The following KLKB1 variants were observed in gnomAD, a reference collection of about 807,000 sequenced individuals.
KLKB1 encodes the protein plasma kallikrein.
In KLKB1, 58 loss-of-function variants were observed where a neutral mutation model predicts 73.6. The ratio of observed to expected loss-of-function variants is 0.79; its 90% CI spans 0.64 to 0.98. The LOEUF (loss-of-function observed/expected upper bound fraction) is 0.98, where lower values mean the gene tolerates loss of function less well. Among genes scored for constraint, KLKB1 ranks in the 50% least tolerant of loss-of-function variants. KLKB1 has a pLI of 0.00. For synonymous variants in KLKB1, 280 were observed against 258.1 expected, an observed-to-expected ratio of 1.08 and a Z score of -0.81; for missense variants, 737 against 763.8, an observed-to-expected ratio of 0.96 and a Z score of 0.41.
chr4:186,228,014 T>G (rs1442869111), intron 1 of KLKB1, among the ~76,000 whole-genome samples, 181 bp from the exon 2 acceptor site: 1 of 152,148 alleles, frequency 6.6e-6, no homozygotes, highest in East Asian at 1.9e-4. Context: ...GGAAGCATTA[T>G]AAATTTTCCA....
chr4:186,214,705 G>T (rs1001533584), intron 2 of KLKB1, among the ~76,000 whole-genome samples: 1 of 152,144 alleles, frequency 6.6e-6, no homozygotes, highest in Non-Finnish European at 1.5e-5. Flanking sequence ...ATTAAACCAG[G>T]TTCATTTTCC....
intron 2 of KLKB1, 121 bp from the exon 3 acceptor site, chr4:186,232,006 A>T: frequency 3.0e-6 from 2 of 669,914 alleles, no homozygotes; most frequent in Non-Finnish European, 4.9e-6. Flanking sequence ...CAGCATAATT[A>T]GAGTTGTATT....
At chr4:186,225,016 C>T (rs1240164881), upstream of KLKB1, among the ~76,000 whole-genome samples, 7 of 152,162 alleles carry the variant, frequency 4.6e-5, no homozygotes, top group African/African-American at 1.2e-4. Flanking sequence ...CTCTCTCTCT[C>T]GTATCACCTT....
At chr4:186,228,670 C>A (rs893459308) in intron 2 of KLKB1, among the ~76,000 whole-genome samples, 8 of 152,170 alleles carry the variant, frequency 5.3e-5, no homozygotes, top group African/African-American at 1.7e-4. Context: ...GTTAGGAACA[C>A]CATACATAGT....
intron 13 of KLKB1, 110 bp downstream of exon 13, chr4:186,256,197 T>C (rs1267062469): frequency 1.4e-6 from 1 of 731,358 alleles, no homozygotes; most frequent in South Asian, 1.5e-5. Flanking sequence ...AAACTCTTTA[T>C]CTTTCCTATC....
At chr4:186,229,693 C>G (rs1439292729) in intron 2 of KLKB1, among the ~76,000 whole-genome samples, 2 of 152,030 alleles carry the variant, frequency 1.3e-5, no homozygotes, top group African/African-American at 4.8e-5. Flanking sequence ...GCTCATTTAC[C>G]CCACTTAGGC....
chr4:186,251,871 C>G lies in KLKB1; in HGVS notation c.1144+10C>G. 1 of 1,607,682 alleles carries G rather than the reference C, an allele frequency of 6.2e-7. No homozygotes were observed. The highest frequency in any genetic ancestry group is 1.1e-5 in the South Asian group (1 of 90,952). ...ACTGGGGACAACTCTGGTGAGTAAC[C>G]TCACTTTTTCGTGGACCTGTCAGGG... On this transcript the variant is annotated intron_variant, in intron 10 of 14. Coordinates refer to ENST00000264690, the MANE Select transcript of KLKB1 (RefSeq NM_000892.5).
At chr4:186,230,113 T>G (rs1422982700) in intron 2 of KLKB1, among the ~76,000 whole-genome samples, 1 of 152,222 alleles carries the variant, frequency 6.6e-6, no homozygotes, top group Admixed American at 6.5e-5. Context: ...GCAGTTACTT[T>G]TTAAGCCAGA....
upstream of KLKB1, among the ~76,000 whole-genome samples, chr4:186,224,032 C>T (rs115593075): frequency 7.7e-3 from 1,179 of 152,390 alleles, 17 homozygotes; most frequent in African/African-American, 0.027. Flanking sequence ...GTCCATAGCT[C>T]AGGCTGTCGC....
intron 2 of KLKB1, among the ~76,000 whole-genome samples, chr4:186,215,800 C>T (rs535281685): frequency 1.3e-5 from 2 of 152,160 alleles, no homozygotes; most frequent in African/African-American, 2.4e-5. Flanking sequence ...TAAATTAAGA[C>T]ATTTAAATCA....
At chr4:186,240,510 T>A (rs1023177487) in intron 6 of KLKB1, among the ~76,000 whole-genome samples, 2 of 152,208 alleles carry the variant, frequency 1.3e-5, no homozygotes, top group Non-Finnish European at 2.9e-5. Context: ...GTAATTTCAA[T>A]GGAATTATCC....
At chr4:186,236,030 C>T (rs1046526667) in intron 4 of KLKB1, among the ~76,000 whole-genome samples, 3 of 147,962 alleles carry the variant, frequency 2.0e-5, no homozygotes, top group Admixed American at 6.9e-5. Flanking sequence ...AGGAGAATGG[C>T]GTGAACCCGG....
intron 2 of KLKB1, 132 bp downstream of exon 2, chr4:186,228,385 C>G: frequency 2.9e-6 from 2 of 688,696 alleles, no homozygotes; most frequent in Non-Finnish European, 5.3e-6. Context: ...ATTCAGGACA[C>G]GTGTCTATTT....
chr4:186,233,212 G>A lies in KLKB1; in HGVS notation c.222-740G>A, dbSNP rs547015214. Among the ~76,000 whole-genome samples the A allele has an allele frequency of 3.3e-5, 5 of 152,192 alleles. No homozygotes were observed. In the South Asian group the frequency reaches 6.2e-4, roughly 19 times the overall value. On this transcript the variant is annotated intron_variant, in intron 3 of 14. Coordinates refer to ENST00000264690, the MANE Select transcript of KLKB1 (RefSeq NM_000892.5). ...ACAGGCATGAGCCACCGCACCCAGC[G>A]GTAATTACAATTTTTATTAGGTCAG...
In KLKB1 at chr4:186,243,127, G is replaced by T. The variant is rs1342654294; in HGVS notation, c.598+4762G>T. Among the ~76,000 whole-genome samples the T allele has an allele frequency of 8.5e-5, 13 of 152,282 alleles. No individual in the cohort carries two copies. In the East Asian group the frequency reaches 2.5e-3, roughly 29 times the overall value. On this transcript the variant is annotated intron_variant, in intron 6 of 14. Coordinates refer to ENST00000264690, the MANE Select transcript of KLKB1 (RefSeq NM_000892.5). ...AAAGTCAATCTGCCAGTCCTGGGCG[G>T]GGGCAAATCCCCGAGCTTGATGTGT...
intron 4 of KLKB1, among the ~76,000 whole-genome samples, chr4:186,234,573 C>T (rs1371620260): frequency 6.6e-6 from 1 of 152,140 alleles, no homozygotes; most frequent in African/African-American, 2.4e-5. Context: ...ACAGGGCAGT[C>T]GTCCACAGCA....
Position 186,227,576 on chromosome 4 carries a change from T to C in KLKB1, c.-13T>C, listed in dbSNP as rs564221765. 6.6e-6 allele frequency: 1 copy of C among 152,326 alleles called. No homozygotes were observed. Among genetic ancestry groups the C allele is most frequent in the Non-Finnish European group, 1.5e-5 (1 of 68,170 alleles). 9.4% of individuals were successfully genotyped at this position (152,326 alleles called of 1,614,324 possible). A position where few individuals can be genotyped will look rare whatever the true frequency, so the allele number is the denominator to read the frequency against. The stretch of plus-strand genomic sequence containing the variant: ...CAAGAGACTCACCTCCAAGAAGCAA[T>C]TGTGTTTTCAGGTAGCAAATTTTTA... On this transcript the variant is annotated 5_prime_UTR_variant, in exon 1 of 15. Transcript: ENST00000264690.
intron 7 of KLKB1, 61 bp downstream of exon 7, chr4:186,250,463 G>A (rs772777190): frequency 6.4e-7 from 1 of 1,557,280 alleles, no homozygotes; most frequent in Non-Finnish European, 8.9e-7. Context: ...ACTTGCTGCT[G>A]TACTTTCATC....
chr4:186,254,671 T>C lies in KLKB1; in HGVS notation c.1397T>C (p.Ile466Thr). 6.2e-7 allele frequency: 1 copy of C among 1,613,452 alleles called. No individual in the cohort carries two copies. Among genetic ancestry groups the C allele is most frequent in the Non-Finnish European group, 8.5e-7 (1 of 1,179,426 alleles). The change falls in exon 12 of 15, where the codon ATA (isoleucine) becomes ACA (threonine). Residue 466 changes from isoleucine (I) to threonine (T), a missense_variant. Coordinates refer to ENST00000264690, the MANE Select transcript of KLKB1 (RefSeq NM_000892.5). The part of the protein sequence containing the change: ...DITKDTPFSQ[I>T]KEIIIHQNYK... Reference sequence around the variant, plus strand: ...ACAAAAGATACACCTTTCTCACAAATAAAAGAGATTATTATTCACCAAAAC... The same window carrying C: ...ACAAAAGATACACCTTTCTCACAAACAAAAGAGATTATTATTCACCAAAAC...
Sources: allele counts gnomAD v4.1 joint callset (sites outside exome capture counted in the v4.1 genomes callset), GRCh38; gene constraint gnomAD v4.1.1; transcripts MANE v1.5; gene names NCBI Gene and HGNC (gene_info 2026-07-23, HGNC 2026-07-21).